Variants in CAMK1D observed in about 807,000 individuals in gnomAD.
CAMK1D encodes calcium/calmodulin-dependent protein kinase type 1D.
CAMK1D carries 9 observed loss-of-function variants against 47.7 expected under a neutral mutation model. The observed-to-expected ratio is 0.19, with a 90% CI of 0.11 to 0.33. The LOEUF is 0.33. Among genes scored for constraint, CAMK1D ranks in the 10% least tolerant of loss-of-function variants. CAMK1D has a pLI of 1.00. For synonymous variants in CAMK1D, 184 were observed against 184.9 expected, an observed-to-expected ratio of 0.99 and a Z score of 0.04; for missense variants, 291 against 488.7, an observed-to-expected ratio of 0.60 and a Z score of 3.81.
chr10:12,564,147 GTCTC>G (rs56063700), intron 2 of CAMK1D, among the ~76,000 whole-genome samples: 2,863 of 139,552 alleles, frequency 0.021, 49 homozygotes, highest in Admixed American at 0.051. Flanking sequence ...CTCTCTCTCT[GTCTC>G]TCTCTCTCTC....
chr10:12,475,695 A>G (rs1833881321), intron 1 of CAMK1D, among the ~76,000 whole-genome samples: 1 of 152,170 alleles, frequency 6.6e-6, no homozygotes, highest in Non-Finnish European at 1.5e-5. Context: ...TAGTTCGTTG[A>G]TGGACATGGA....
At chr10:12,449,609 A>C (rs1374809046) in intron 1 of CAMK1D, among the ~76,000 whole-genome samples, 1 of 152,208 alleles carries the variant, frequency 6.6e-6, no homozygotes, top group East Asian at 1.9e-4. Flanking sequence ...TACATATATC[A>C]AAACATCATG....
At position 12,760,886 on chromosome 10, in the gene CAMK1D, G is replaced by A; in HGVS notation, c.300-62G>A. 2.6e-6 allele frequency: 4 copies of A among 1,556,818 alleles called. No individual in the cohort carries two copies. In the South Asian group the frequency reaches 3.5e-5, roughly 14 times the overall value. On this transcript the variant is annotated intron_variant, in intron 3 of 10. Coordinates refer to ENST00000619168, the MANE Select transcript of CAMK1D (RefSeq NM_153498.4). ...AAAGTTTGGGATTTTTTTCACATTG[G>A]AAGCTTTCCCTTCACAATTCAACAG...
chr10:12,575,071 A>C (rs1342031991), intron 2 of CAMK1D, among the ~76,000 whole-genome samples: 1 of 150,460 alleles, frequency 6.6e-6, no homozygotes, highest in Non-Finnish European at 1.5e-5. Flanking sequence ...AACCCCTATC[A>C]CTCCTATTTT....
rs148298882 is a variant in CAMK1D, at chr10:12,528,604, C to A, written c.93-24621C>A. On this transcript the variant is annotated intron_variant, in intron 1 of 10. Coordinates refer to ENST00000619168, the MANE Select transcript of CAMK1D (RefSeq NM_153498.4). ...CTGGAAGAGACTCCCGGGGTCTAAG[C>A]CCACCTCCTGATTTTAAAAATCACA... 3.3e-3 allele frequency among the ~76,000 whole-genome samples: 508 copies of A among 152,258 alleles called. 5 individuals carry two copies. Among genetic ancestry groups the A allele is most frequent in the African/African-American group, 0.012 (489 of 41,544 alleles).
At chr10:12,815,409 A>G (rs570829423) in intron 7 of CAMK1D, among the ~76,000 whole-genome samples, 21 of 152,336 alleles carry the variant, frequency 1.4e-4, no homozygotes, top group Admixed American at 4.6e-4. Context: ...TATTTGTGTT[A>G]CTTCATCCTA....
intron 1 of CAMK1D, among the ~76,000 whole-genome samples, chr10:12,511,627 A>G (rs1027736237): frequency 6.6e-6 from 1 of 152,120 alleles, no homozygotes; most frequent in Non-Finnish European, 1.5e-5. Context: ...CGAACAAACA[A>G]ACAAAAAAAC....
chr10:12,564,483 C>T (rs1837061434), intron 2 of CAMK1D, among the ~76,000 whole-genome samples: 1 of 152,060 alleles, frequency 6.6e-6, no homozygotes, highest in Non-Finnish European at 1.5e-5. Context: ...TGTGTGAAGT[C>T]CAGGGCTATC....
chr10:12,776,872 G>A (rs1015656208), intron 5 of CAMK1D, among the ~76,000 whole-genome samples: 1 of 152,188 alleles, frequency 6.6e-6, no homozygotes, highest in African/African-American at 2.4e-5. Context: ...CTCGTTTACA[G>A]TCTGAGCTGA....
At chr10:12,626,842 C>T (rs1244729231) in intron 2 of CAMK1D, among the ~76,000 whole-genome samples, 1 of 152,146 alleles carries the variant, frequency 6.6e-6, no homozygotes, top group Non-Finnish European at 1.5e-5. Context: ...AGAACATCAT[C>T]TACTGATGTT....
intron 1 of CAMK1D, among the ~76,000 whole-genome samples, chr10:12,414,327 G>A (rs1346804233): frequency 6.6e-6 from 1 of 152,188 alleles, no homozygotes; most frequent in Non-Finnish European, 1.5e-5. Context: ...AGTAAAGTGA[G>A]TTTACAAAGA....
At chr10:12,398,101 A>G (rs1839028006) in intron 1 of CAMK1D, among the ~76,000 whole-genome samples, 1 of 152,228 alleles carries the variant, frequency 6.6e-6, no homozygotes, top group African/African-American at 2.4e-5. Context: ...TTACATCATT[A>G]TTTTAAGTGT....
intron 3 of CAMK1D, among the ~76,000 whole-genome samples, chr10:12,702,866 C>T (rs947695696): frequency 2.0e-5 from 3 of 152,106 alleles, no homozygotes; most frequent in Non-Finnish European, 2.9e-5. Context: ...AGGGGCAGCC[C>T]GAAGGTCATC....
intron 1 of CAMK1D, among the ~76,000 whole-genome samples, chr10:12,391,976 A>AACACACACACACAC (rs10659393): frequency 5.2e-4 from 74 of 143,248 alleles, no homozygotes; most frequent in East Asian, 1.5e-3. Context: ...CTTGTCTTAA[A>AACACACACACACAC]ACACACACAC....
rs143070489 is a variant in CAMK1D at position 12,578,269 on chromosome 10, G to T, written c.224+24913G>T. On this transcript the variant is annotated intron_variant, in intron 2 of 10. Transcript: ENST00000619168. ...TTTTAAAAAATGTTTTGTAGGGCTG[G>T]GCACAGTGGCTCACGCCTGTAATCC... is the stretch of plus-strand genomic sequence containing the variant. Among the ~76,000 whole-genome samples the T allele has an allele frequency of 2.3e-3, 353 of 152,152 alleles. 1 individual carries two copies. The highest frequency in any genetic ancestry group is 7.9e-3 in the African/African-American group (328 of 41,508).
At position 12,471,181 on chromosome 10, in the gene CAMK1D, C is replaced by T. The variant is rs115586722; in HGVS notation, c.93-82044C>T. On this transcript the variant is annotated intron_variant, in intron 1 of 10. Coordinates refer to ENST00000619168, the MANE Select transcript of CAMK1D (RefSeq NM_153498.4). ...GGTGACTGATTCCCCCACCCCAGCG[C>T]ACATGTTCACTGCAGGCTGCAGGAA... is the stretch of plus-strand genomic sequence containing the variant. 6.2e-3 allele frequency among the ~76,000 whole-genome samples: 945 copies of T among 152,274 alleles called. 7 individuals carry two copies. Among genetic ancestry groups the T allele is most frequent in the African/African-American group, 0.021 (885 of 41,540 alleles).
chr10:12,587,259 C>T (rs548794074), intron 2 of CAMK1D, among the ~76,000 whole-genome samples: 19 of 152,286 alleles, frequency 1.2e-4, no homozygotes, highest in African/African-American at 4.1e-4. Flanking sequence ...AGCCAGCCCA[C>T]GATCGCTTTC....
At chr10:12,694,852 T>C (rs1387782371) in intron 3 of CAMK1D, among the ~76,000 whole-genome samples, 1 of 151,828 alleles carries the variant, frequency 6.6e-6, no homozygotes, top group African/African-American at 2.4e-5. Context: ...CGGGCAAATA[T>C]TGTCAAAGTA....
chr10:12,556,104 G>C (rs1460573240), intron 2 of CAMK1D, among the ~76,000 whole-genome samples: 1 of 152,160 alleles, frequency 6.6e-6, no homozygotes, highest in Non-Finnish European at 1.5e-5. Context: ...GATTTCTCCA[G>C]GGATGCGAAG....
Sources: gnomAD v4.1 joint callset for allele counts (sites outside exome capture counted in the v4.1 genomes callset) on GRCh38, gnomAD v4.1.1 for gene constraint, MANE v1.5 for transcripts, NCBI Gene and HGNC (gene_info 2026-07-23, HGNC 2026-07-21) for gene names.